Variants in FANCC observed in about 807,000 individuals in gnomAD.
The protein encoded by FANCC is Fanconi anemia group C protein.
Under a neutral mutation model 71.3 loss-of-function variants are expected in FANCC, and 55 were observed. The observed-to-expected ratio is 0.77, with a 90% CI of 0.62 to 0.97. The LOEUF (loss-of-function observed/expected upper bound fraction) is 0.97, where lower values mean the gene tolerates loss of function less well. FANCC is among the 50% of genes least tolerant of loss of function. The pLI is 0.00. For synonymous variants in FANCC, 275 were observed against 244.9 expected (o/e 1.12, Z -1.15); for missense variants, 678 against 670.9 (o/e 1.01, Z -0.12).
At position 95,107,103 on chromosome 9, in the gene FANCC, G is replaced by C; in HGVS notation, c.1496C>G (p.Pro499Arg). Residue 499 changes from proline (P) to arginine (R), a missense_variant, in exon 14 of 15, where the codon CCT (proline) becomes CGT (arginine). Physicochemically the swap from Pro to Arg is moderately radical, Grantham distance 103. Transcript: ENST00000289081. The stretch of plus-strand genomic sequence containing the variant: ...ATCCCAGGCGATCGTGTGGCCTCCA[G>C]GAGCCCAGAGCAGGAAGTTGAGGAG... Reference protein sequence around the residue: ...HLLLNFLLWAPGGHTIAWDVI... With the variant: ...HLLLNFLLWARGGHTIAWDVI... 6.2e-7 allele frequency: 1 copy of C among 1,614,228 alleles called. No individual in the cohort carries two copies. Among genetic ancestry groups the C allele is most frequent in the Non-Finnish European group, 8.5e-7 (1 of 1,180,036 alleles).
At chr9:95,123,725 T>A in intron 10 of FANCC, 1 of 691,368 alleles carries the variant, frequency 1.4e-6, no homozygotes, top group East Asian at 2.8e-5. Flanking sequence ...CAAGCTGTAT[T>A]TGAAGCTACA....
intron 4 of FANCC, among the ~76,000 whole-genome samples, chr9:95,184,813 T>C (rs893920437): frequency 6.6e-6 from 1 of 152,140 alleles, no homozygotes; most frequent in African/African-American, 2.4e-5. Flanking sequence ...CTAAAGGAGA[T>C]ATGGTTCACA....
chr9:95,137,734 C>G (rs993398046), intron 7 of FANCC, among the ~76,000 whole-genome samples: 2 of 152,136 alleles, frequency 1.3e-5, no homozygotes, highest in Non-Finnish European at 2.9e-5. Context: ...GTGTCAGAAC[C>G]CCAAGGGAGG....
intron 11 of FANCC, among the ~76,000 whole-genome samples, chr9:95,115,084 G>A (rs1338150327): frequency 6.6e-6 from 1 of 152,162 alleles, no homozygotes; most frequent in African/African-American, 2.4e-5. Flanking sequence ...GGGACTACAG[G>A]GGTGCACCAC....
intron 4 of FANCC, among the ~76,000 whole-genome samples, chr9:95,224,712 TA>T (rs769398089): frequency 1.3e-5 from 2 of 152,284 alleles, no homozygotes; most frequent in South Asian, 2.1e-4. Flanking sequence ...TAGTATTTGT[TA>T]TTTTTTTTTA....
rs374915316 is a variant in FANCC at position 95,125,092 on chromosome 9, G to T, written c.990C>A (p.Ser330Arg). The T allele has an allele frequency of 1.2e-6, 2 of 1,613,668 alleles. No individual in the cohort carries two copies. The highest frequency in any genetic ancestry group is 2.7e-5 in the African/African-American group (2 of 74,924). Residue 330 changes from serine (S) to arginine (R), a missense_variant, in exon 10 of 15, where the codon AGC becomes AGA. Ser to Arg is a moderately radical substitution (Grantham distance 110). Coordinates refer to ENST00000289081, the MANE Select transcript of FANCC (RefSeq NM_000136.3). ...TATATGTGATATAACAAACCTGCTT[G>T]CTTGCTTTCTCCAGAGCTTCTACAA... ...QCFVEALEKA[S>R]KQLRFALKTY...
intron 1 of FANCC, among the ~76,000 whole-genome samples, chr9:95,265,377 G>T (rs1804689346): frequency 6.6e-6 from 1 of 152,116 alleles, no homozygotes; most frequent in Non-Finnish European, 1.5e-5. Context: ...TCAGCAATGG[G>T]GGGAGAGGAG....
chr9:95,259,450 C>T (rs1457677337), intron 1 of FANCC, among the ~76,000 whole-genome samples: 1 of 152,106 alleles, frequency 6.6e-6, no homozygotes, highest in Non-Finnish European at 1.5e-5. Context: ...GAAAAGGATC[C>T]CCTATTTAAT....
intron 4 of FANCC, among the ~76,000 whole-genome samples, chr9:95,181,689 A>T (rs1245001588): frequency 6.6e-6 from 1 of 152,208 alleles, no homozygotes; most frequent in Non-Finnish European, 1.5e-5. Context: ...AGATGTACAG[A>T]TTTTATCATC....
At chr9:95,295,941 A>G (rs937771165) in intron 1 of FANCC, among the ~76,000 whole-genome samples, 24 of 152,198 alleles carry the variant, frequency 1.6e-4, no homozygotes, top group African/African-American at 5.8e-4. Flanking sequence ...GTATAGTAAA[A>G]ATGTACTAAA....
chr9:95,276,290 A>G (rs1833035492), intron 1 of FANCC, among the ~76,000 whole-genome samples: 1 of 152,052 alleles, frequency 6.6e-6, no homozygotes, highest in Non-Finnish European at 1.5e-5. Context: ...TTGTTCTTAA[A>G]TATGTTTTCA....
chr9:95,309,836 T>G (rs1835280069), intron 1 of FANCC, among the ~76,000 whole-genome samples: 2 of 152,136 alleles, frequency 1.3e-5, no homozygotes, highest in African/African-American at 4.8e-5. Flanking sequence ...GCATGACAGG[T>G]GCTCAGACAT....
intron 1 of FANCC, among the ~76,000 whole-genome samples, chr9:95,315,925 T>C (rs1835710071): frequency 6.6e-6 from 1 of 152,232 alleles, no homozygotes; most frequent in Non-Finnish European, 1.5e-5. Flanking sequence ...TGTTTTAAAA[T>C]GTACATGCAC....
chr9:95,126,558 G>A lies in FANCC; in HGVS notation c.867C>T (p.Ala289=), dbSNP rs1588106727. 6 of 1,614,034 alleles carry A rather than the reference G, an allele frequency of 3.7e-6. No homozygotes were observed. Among genetic ancestry groups the A allele is most frequent in the Non-Finnish European group, 5.1e-6 (6 of 1,179,940 alleles). Residue 289 remains alanine, a synonymous_variant, in exon 9 of 15, where the codon GCC becomes GCT. Transcript: ENST00000289081. ...ACATCTCATCAACAACCCGGAATAT[G>A]GCAGGGTGGCAGGCTGCTTGAGGCT... is the stretch of plus-strand genomic sequence containing the variant. ...SSLPQAACHP[A]IFRVVDEMFR...
chr9:95,205,267 T>C (rs76346807), intron 4 of FANCC, among the ~76,000 whole-genome samples: 1 of 152,282 alleles, frequency 6.6e-6, no homozygotes, highest in African/African-American at 2.4e-5. Context: ...TACTATGACT[T>C]TAGTAAGGAC....
chr9:95,122,468 T>C (rs1013982577), intron 10 of FANCC, among the ~76,000 whole-genome samples: 4 of 152,138 alleles, frequency 2.6e-5, no homozygotes, highest in Admixed American at 6.5e-5. Flanking sequence ...TATGCAGGCA[T>C]TGGCAAAGCA....
chr9:95,139,893 C>T (rs1828366026), intron 7 of FANCC, among the ~76,000 whole-genome samples: 1 of 145,482 alleles, frequency 6.9e-6, no homozygotes, highest in South Asian at 2.1e-4. Flanking sequence ...TTTAAAGGGA[C>T]AATAAAGTAA....
chr9:95,101,827 A>T lies in FANCC; in HGVS notation c.1557T>A (p.Thr519=), dbSNP rs1322737785. 1 of 1,614,018 alleles carries T rather than the reference A, an allele frequency of 6.2e-7. No homozygotes were observed. Among genetic ancestry groups the T allele is most frequent in the Non-Finnish European group, 8.5e-7 (1 of 1,179,986 alleles). Residue 519 remains threonine, a synonymous_variant, in exon 15 of 15, where the codon ACT becomes ACA. Transcript: ENST00000289081. ...ITLMAHTAEI[T]HEIIGFLDQT... The stretch of plus-strand genomic sequence containing the variant: ...GGTCAAGAAAGCCAATGATCTCGTG[A>T]GTTATCTCAGCAGTGTGAGCCATCT...
chr9:95,189,859 C>G (rs1232582241), intron 4 of FANCC, among the ~76,000 whole-genome samples: 1 of 152,340 alleles, frequency 6.6e-6, no homozygotes, highest in South Asian at 2.1e-4. Flanking sequence ...GGTGCCCACA[C>G]AGCTGAACAC....
Sources: allele counts gnomAD v4.1 joint callset (sites outside exome capture counted in the v4.1 genomes callset), GRCh38; gene constraint gnomAD v4.1.1; transcripts MANE v1.5; gene names NCBI Gene and HGNC (gene_info 2026-07-23, HGNC 2026-07-21).